KCTD16: variants seen among roughly 807,000 people sequenced by gnomAD.
KCTD16 encodes the protein potassium channel tetramerization domain containing 16, also known as BTB/POZ domain-containing protein KCTD16.
In KCTD16, 13 loss-of-function variants were observed where a neutral mutation model predicts 33.2. The ratio of observed to expected loss-of-function variants is 0.39; its 90% confidence interval spans 0.25 to 0.62. The LOEUF (loss-of-function observed/expected upper bound fraction) is 0.62. Ranked by LOEUF, KCTD16 falls within the 20% of genes least tolerant of loss-of-function variation. The probability of loss-of-function intolerance (pLI) is 0.50; values close to 1 mark genes in which losing one functional copy is unlikely to be tolerated. For missense variants in KCTD16, 441 were observed against 525.1 expected (o/e 0.84, Z 1.57); for synonymous variants, 197 against 195.3 (o/e 1.01, Z -0.07).
chr5:144,395,710 C>G (rs894125505), intron 3 of KCTD16, among the ~76,000 whole-genome samples: 1 of 152,178 alleles, frequency 6.6e-6, no homozygotes, highest in African/African-American at 2.4e-5. Flanking sequence ...AGAATTCAAG[C>G]AGTTCCAGGC....
chr5:144,481,589 A>G lies in KCTD16; in HGVS notation c.*7475A>G, dbSNP rs1754704285. ...ATCATACCAATATCCCAGGGATGGA[A>G]TTATGGTAGGGTCATTCTAATTCCA... On this transcript the variant is annotated 3_prime_UTR_variant, in exon 4 of 4. Coordinates refer to ENST00000512467, the MANE Select transcript of KCTD16 (RefSeq NM_020768.4). The G allele has an allele frequency of 6.6e-6, 1 of 151,936 alleles. No homozygotes were observed. The allele number at this position is 151,936 out of a possible 1,614,324, so 9.4% of individuals were successfully genotyped here.
Position 144,408,110 on chromosome 5 carries a change from A to G in KCTD16, c.833-65550A>G, listed in dbSNP as rs544337891. On this transcript the variant is annotated intron_variant, in intron 3 of 3. Transcript: ENST00000512467. ...TATTTCTGGTCCTAGATCCTTGAGTAATGGCCACATTGTCTTCCACAATGG... is the reference window on the plus strand; with the variant it reads ...TATTTCTGGTCCTAGATCCTTGAGTGATGGCCACATTGTCTTCCACAATGG... Among the ~76,000 whole-genome samples the G allele has an allele frequency of 1.2e-4, 19 of 152,342 alleles. No homozygotes were observed. The South Asian group carries it at 3.7e-3, about 30-fold the overall frequency.
chr5:144,468,239 G>T (rs1754391582), intron 3 of KCTD16, among the ~76,000 whole-genome samples: 1 of 152,104 alleles, frequency 6.6e-6, no homozygotes, highest in African/African-American at 2.4e-5. Context: ...ACTTAAGGAT[G>T]GTAGCCACCT....
At chr5:144,396,982 G>T (rs1752581829) in intron 3 of KCTD16, among the ~76,000 whole-genome samples, 2 of 149,640 alleles carry the variant, frequency 1.3e-5, no homozygotes, top group South Asian at 4.3e-4. Context: ...ATGCAGGTTT[G>T]TTACATATGT....
chr5:144,199,862 G>T (rs759007878), intron 2 of KCTD16, among the ~76,000 whole-genome samples: 2 of 151,682 alleles, frequency 1.3e-5, no homozygotes, highest in Non-Finnish European at 2.9e-5. Flanking sequence ...CTACAAGTGC[G>T]TACCATCACA....
At chr5:144,360,649 C>G (rs556277320) in intron 3 of KCTD16, among the ~76,000 whole-genome samples, 2 of 152,256 alleles carry the variant, frequency 1.3e-5, no homozygotes, top group Admixed American at 6.5e-5. Context: ...CCAGGCTGCT[C>G]TCAAACTCCT....
At chr5:144,417,568 C>G (rs1753091012) in intron 3 of KCTD16, among the ~76,000 whole-genome samples, 1 of 152,070 alleles carries the variant, frequency 6.6e-6, no homozygotes, top group South Asian at 2.1e-4. Context: ...ATTGTCATTT[C>G]ATTTTTTGAC....
intron 3 of KCTD16, among the ~76,000 whole-genome samples, chr5:144,286,777 A>C (rs1474260831): frequency 6.6e-6 from 1 of 152,216 alleles, no homozygotes. Context: ...CTAGAATTGC[A>C]TTAATGATAT....
At chr5:144,274,073 T>G (rs1233449690) in intron 3 of KCTD16, among the ~76,000 whole-genome samples, 1 of 151,448 alleles carries the variant, frequency 6.6e-6, no homozygotes, top group Non-Finnish European at 1.5e-5. Context: ...ACTTGGGCAT[T>G]TTAAGAAAAA....
Position 144,483,709 on chromosome 5 carries a change from A to AT in KCTD16, c.*9595_*9596insT. 1 of 152,070 alleles carries AT rather than the reference A, an allele frequency of 6.6e-6. No individual in the cohort carries two copies. The highest frequency in any genetic ancestry group is 1.9e-4 in the East Asian group (1 of 5,138). The allele number at this position is 152,070 out of a possible 1,614,324, so 9.4% of individuals were successfully genotyped here. ...AAATATTTAAAGTCAACCTATGCAAACAGAGATTCCCTGCTGCTCCTTGGG... is the reference window on the plus strand; with the variant it reads ...AAATATTTAAAGTCAACCTATGCAAATCAGAGATTCCCTGCTGCTCCTTGGG... On this transcript the variant is annotated 3_prime_UTR_variant, in exon 4 of 4. Transcript: ENST00000512467.
At chr5:144,283,582 C>G (rs578200484) in intron 3 of KCTD16, among the ~76,000 whole-genome samples, 1 of 151,980 alleles carries the variant, frequency 6.6e-6, no homozygotes, top group Non-Finnish European at 1.5e-5. Context: ...ACAAATATAA[C>G]GGATAAAAAT....
intron 3 of KCTD16, among the ~76,000 whole-genome samples, chr5:144,262,341 G>A (rs1030481208): frequency 2.6e-5 from 4 of 152,214 alleles, no homozygotes; most frequent in African/African-American, 9.7e-5. Flanking sequence ...TGAGGCTGCA[G>A]AGGAAGGACA....
chr5:144,242,253 C>T (rs568262637), intron 3 of KCTD16, among the ~76,000 whole-genome samples: 1 of 151,774 alleles, frequency 6.6e-6, no homozygotes, highest in Admixed American at 6.6e-5. Flanking sequence ...AGTGTACAGA[C>T]AGAGGTCATG....
intron 3 of KCTD16, among the ~76,000 whole-genome samples, chr5:144,279,284 A>AT (rs1004762172): frequency 4.0e-4 from 60 of 151,422 alleles, no homozygotes; most frequent in South Asian, 8.4e-4. Flanking sequence ...ATCTGTGTGC[A>AT]TTTTTTTTTA....
intron 3 of KCTD16, among the ~76,000 whole-genome samples, chr5:144,312,130 GAAT>G (rs1751782190): frequency 6.6e-6 from 1 of 152,102 alleles, no homozygotes; most frequent in South Asian, 2.1e-4. Flanking sequence ...TGCTCTCTTA[GAAT>G]AAAGACTGCT....
At chr5:144,418,200 C>T (rs1753122538) in intron 3 of KCTD16, among the ~76,000 whole-genome samples, 1 of 152,064 alleles carries the variant, frequency 6.6e-6, no homozygotes, top group South Asian at 2.1e-4. Context: ...TAGTGCAGAC[C>T]CAAAGCATGA....
chr5:144,366,109 T>C (rs1751827135), intron 3 of KCTD16, among the ~76,000 whole-genome samples: 1 of 152,168 alleles, frequency 6.6e-6, no homozygotes, highest in Middle Eastern at 3.2e-3. Flanking sequence ...CACTCATACA[T>C]ATGTACATAT....
intron 2 of KCTD16, among the ~76,000 whole-genome samples, chr5:144,180,717 T>C (rs1053422198): frequency 6.6e-6 from 1 of 152,152 alleles, no homozygotes; most frequent in Non-Finnish European, 1.5e-5. Context: ...ACAGAACATA[T>C]ACACATGGTT....
At chr5:144,322,071 A>G (rs977510164) in intron 3 of KCTD16, among the ~76,000 whole-genome samples, 2 of 152,210 alleles carry the variant, frequency 1.3e-5, no homozygotes, top group African/African-American at 2.4e-5. Context: ...TTGTGAAATT[A>G]CATCACATGA....
Sources: gnomAD v4.1 joint callset for allele counts (sites outside exome capture counted in the v4.1 genomes callset) on GRCh38, gnomAD v4.1.1 for gene constraint, MANE v1.5 for transcripts, NCBI Gene and HGNC (gene_info 2026-07-23, HGNC 2026-07-21) for gene names.